Variants in WWP1 observed in about 807,000 individuals in gnomAD.
WWP1 encodes the protein NEDD4-like E3 ubiquitin-protein ligase WWP1.
A neutral mutation model predicts 130.6 loss-of-function variants in WWP1; 49 were observed. That is an observed-to-expected ratio of 0.38 (90% CI 0.30 to 0.48). The LOEUF is 0.48. Ranked by LOEUF, WWP1 falls within the 20% of genes least tolerant of loss-of-function variation. WWP1 has a pLI of 0.99. For missense variants in WWP1, 809 were observed against 1,100.6 expected (o/e 0.74, Z 3.75); for synonymous variants, 332 against 367.8 (o/e 0.90, Z 1.11).
At chr8:86,461,943 C>A in intron 24 of WWP1, 97 bp downstream of exon 24, 1 of 935,178 alleles carries the variant, frequency 1.1e-6, no homozygotes, top group Non-Finnish European at 1.7e-6. Context: ...ACTGCTTATT[C>A]ATTAAAGTAG....
chr8:86,391,230 G>A (rs1411343304), intron 5 of WWP1, among the ~76,000 whole-genome samples: 2 of 152,086 alleles, frequency 1.3e-5, no homozygotes, highest in African/African-American at 2.4e-5. Flanking sequence ...CATCTGTTTT[G>A]TATAAGCCCA....
intron 9 of WWP1, among the ~76,000 whole-genome samples, chr8:86,412,477 GATTA>G (rs752526696): frequency 7.2e-5 from 11 of 152,028 alleles, no homozygotes; most frequent in African/African-American, 2.4e-4. Context: ...ATTAATTAAT[GATTA>G]ATTGTCTCTG....
chr8:86,353,593 C>T (rs1251932516), intron 1 of WWP1, among the ~76,000 whole-genome samples: 4 of 152,082 alleles, frequency 2.6e-5, no homozygotes, highest in South Asian at 2.1e-4. Flanking sequence ...CCTGGGTTCA[C>T]GCAATTCTCC....
At chr8:86,437,859 G>A (rs1810380579) in intron 16 of WWP1, among the ~76,000 whole-genome samples, 1 of 152,124 alleles carries the variant, frequency 6.6e-6, no homozygotes, top group Admixed American at 6.5e-5. Flanking sequence ...GAGTGCAGTG[G>A]CACGATCTCG....
chr8:86,360,503 A>G (rs1040567387), intron 1 of WWP1, among the ~76,000 whole-genome samples: 20 of 152,074 alleles, frequency 1.3e-4, no homozygotes, highest in Admixed American at 3.9e-4. Context: ...TCTGCCCCCT[A>G]TGCAGTAGGC....
At chr8:86,457,812 GC>G (rs1385299539) in intron 21 of WWP1, 108 bp from the exon 22 acceptor site, 4 of 927,538 alleles carry the variant, frequency 4.3e-6, no homozygotes, top group Non-Finnish European at 6.6e-6. Context: ...CATGCATATA[GC>G]TTTTCACATA....
At chr8:86,376,294 C>T (rs1019932833) in intron 3 of WWP1, among the ~76,000 whole-genome samples, 3 of 152,126 alleles carry the variant, frequency 2.0e-5, no homozygotes, top group Admixed American at 1.3e-4. Flanking sequence ...CTAGGCCAGG[C>T]GCGGTGGCTC....
chr8:86,465,077 T>G (rs1261519557), intron 24 of WWP1, among the ~76,000 whole-genome samples: 2 of 152,026 alleles, frequency 1.3e-5, no homozygotes, highest in Admixed American at 6.6e-5. Flanking sequence ...GGAAAAACTT[T>G]TGAGAGAAAG....
intron 11 of WWP1, among the ~76,000 whole-genome samples, chr8:86,430,381 A>G (rs1809870574): frequency 6.6e-6 from 1 of 151,504 alleles, no homozygotes; most frequent in African/African-American, 2.4e-5. Context: ...CCTGGGCTCA[A>G]GTGATCCTCC....
rs1163057158 is a variant in WWP1, at chr8:86,467,173, T to C, written c.*280T>C. ...ACATATATATCTATATAAACATATA[T>C]GATAGTGGCTCTAGTTTTATAGAGC... On this transcript the variant is annotated 3_prime_UTR_variant, in exon 25 of 25. Transcript: ENST00000517970. 1 of 222,088 alleles carries C rather than the reference T, an allele frequency of 4.5e-6. No homozygotes were observed. The highest frequency in any genetic ancestry group is 1.3e-4 in the East Asian group (1 of 7,964). 13.8% of individuals were successfully genotyped at this position (222,088 alleles called of 1,614,324 possible).
intron 14 of WWP1, among the ~76,000 whole-genome samples, chr8:86,432,327 A>G (rs1056411335): frequency 2.6e-5 from 4 of 152,186 alleles, no homozygotes; most frequent in African/African-American, 4.8e-5. Context: ...TTGTACCACC[A>G]TATCTGTCCG....
Position 86,411,627 on chromosome 8 carries a change from A to G in WWP1, c.814A>G (p.Asn272Asp). The stretch of plus-strand genomic sequence containing the variant: ...GTCTGAAGAAAATGCCTTGTCTCCA[A>G]ATTGCACTAGTACTACTGTTGAAGA... The part of the protein sequence containing the change: ...VVSEENALSP[N>D]CTSTTVEDPP... The change falls in exon 9 of 25, where the codon AAT becomes GAT. Residue 272 changes from asparagine (N) to aspartate (D), a missense_variant. Asn to Asp is a conservative substitution (Grantham distance 23). This residue lies in a region of WWP1 where 262 missense variants were observed against 346.0 expected (regional missense o/e 0.76). Transcript: ENST00000517970. The G allele has an allele frequency of 2.5e-6, 4 of 1,614,152 alleles. No individual in the cohort carries two copies. Among genetic ancestry groups the G allele is most frequent in the Non-Finnish European group, 2.5e-6 (3 of 1,180,014 alleles).
intron 21 of WWP1, among the ~76,000 whole-genome samples, chr8:86,453,035 T>G (rs1811257057): frequency 6.6e-6 from 1 of 152,214 alleles, no homozygotes; most frequent in Non-Finnish European, 1.5e-5. Flanking sequence ...GTATTTAGAC[T>G]TGTTAGAAGT....
intron 1 of WWP1, among the ~76,000 whole-genome samples, chr8:86,365,829 A>G (rs923668034): frequency 2.0e-4 from 30 of 152,320 alleles, no homozygotes; most frequent in African/African-American, 7.2e-4. Context: ...AAGAAATCAC[A>G]TAGCTTCTTT....
At chr8:86,424,060 C>T (rs560193764) in intron 9 of WWP1, among the ~76,000 whole-genome samples, 113 of 150,674 alleles carry the variant, frequency 7.5e-4, no homozygotes, top group Non-Finnish European at 1.3e-3. Context: ...GGGCGGCTGC[C>T]GGGCGGAGGG....
rs769578841 is a variant in WWP1, at chr8:86,402,193, C to T, written c.714C>T (p.Ala238=). 13 of 1,611,764 alleles carry T rather than the reference C, an allele frequency of 8.1e-6. No individual in the cohort carries two copies. Among genetic ancestry groups the T allele is most frequent in the African/African-American group, 8.0e-5 (6 of 74,774 alleles). The change falls in exon 8 of 25, where the codon GCC becomes GCT. Residue 238 remains alanine, a synonymous_variant. Coordinates refer to ENST00000517970, the MANE Select transcript of WWP1 (RefSeq NM_007013.4). ...CAAAACCACTCGCATCTGAGCCTGC[C>T]GATGACACTGGTAAGCAAGGCTATT... ...PAPKPLASEP[A]DDTVNGESSS... is the part of the protein sequence containing the mutation.
At position 86,398,324 on chromosome 8, in the gene WWP1, G is replaced by T; in HGVS notation, c.335-18G>T. 6.4e-7 allele frequency: 1 copy of T among 1,563,682 alleles called. No individual in the cohort carries two copies. The highest frequency in any genetic ancestry group is 1.2e-5 in the South Asian group (1 of 83,932). The stretch of plus-strand genomic sequence containing the variant: ...ATATGTGGCAAAAGCTTTTAAATTA[G>T]AATATTCTTCTTTCTAGTGGAAAGA... On this transcript the variant is annotated intron_variant, in intron 5 of 24. Transcript: ENST00000517970.
At chr8:86,393,682 A>G (rs1807480635) in intron 5 of WWP1, among the ~76,000 whole-genome samples, 1 of 152,200 alleles carries the variant, frequency 6.6e-6, no homozygotes, top group African/African-American at 2.4e-5. Context: ...ACTGTCACTT[A>G]CAAGCTATGT....
intron 5 of WWP1, among the ~76,000 whole-genome samples, chr8:86,387,791 C>T (rs543982158): frequency 2.9e-4 from 44 of 152,144 alleles, no homozygotes; most frequent in African/African-American, 1.0e-3. Context: ...CTGAAAGTGC[C>T]GGGATTATAG....
Sources: gnomAD v4.1 joint callset for allele counts (sites outside exome capture counted in the v4.1 genomes callset) on GRCh38, gnomAD v4.1.1 for gene constraint, gnomAD v4.1.1 regional missense constraint, MANE v1.5 for transcripts, NCBI Gene and HGNC (gene_info 2026-07-23, HGNC 2026-07-21) for gene names.